SDK1: variants seen among roughly 807,000 people sequenced by gnomAD.
SDK1 encodes the protein protein sidekick-1.
A neutral mutation model predicts 245.5 loss-of-function variants in SDK1; 157 were observed. The ratio of observed to expected loss-of-function variants is 0.64; its 90% confidence interval spans 0.56 to 0.73. SDK1 has a LOEUF of 0.73. SDK1 is among the 30% of genes least tolerant of loss of function. The probability of loss-of-function intolerance (pLI) is 0.00; values close to 1 mark genes in which losing one functional copy is unlikely to be tolerated. For missense variants in SDK1, 3,583 were observed against 3,002.3 expected (o/e 1.19, Z -4.52); for synonymous variants, 1,647 against 1,278.5 (o/e 1.29, Z -6.15).
intron 14 of SDK1, among the ~76,000 whole-genome samples, chr7:3,987,930 C>T (rs548743385): frequency 2.6e-5 from 4 of 152,040 alleles, no homozygotes; most frequent in South Asian, 2.1e-4. Context: ...CACGCCTCTC[C>T]GCTCTCCCTG....
At chr7:3,566,529 A>G (rs955571369) in intron 1 of SDK1, among the ~76,000 whole-genome samples, 2 of 152,056 alleles carry the variant, frequency 1.3e-5, no homozygotes, top group South Asian at 2.1e-4. Context: ...CCGGCCGATA[A>G]ACTTCTTAAA....
chr7:3,788,568 G>A (rs746492488), intron 4 of SDK1, among the ~76,000 whole-genome samples: 4 of 152,118 alleles, frequency 2.6e-5, no homozygotes, highest in South Asian at 2.1e-4. Flanking sequence ...CTTTTGGTCA[G>A]GGGTGTCCAA....
intron 1 of SDK1, among the ~76,000 whole-genome samples, chr7:3,352,609 T>G (rs891679021): frequency 6.6e-6 from 1 of 152,182 alleles, no homozygotes; most frequent in Non-Finnish European, 1.5e-5. Context: ...AGTAGATATT[T>G]CTGTTTCCAT....
chr7:4,196,321 G>C (rs959440427), intron 35 of SDK1, among the ~76,000 whole-genome samples: 1 of 152,148 alleles, frequency 6.6e-6, no homozygotes, highest in African/African-American at 2.4e-5. Flanking sequence ...GAGCTCCTCC[G>C]GGCTGGGTCC....
chr7:3,571,417 C>G (rs748467445), intron 1 of SDK1, among the ~76,000 whole-genome samples: 21 of 152,004 alleles, frequency 1.4e-4, no homozygotes, highest in Non-Finnish European at 2.8e-4. Context: ...ATCCTCCAGC[C>G]TCAGCCTCCC....
chr7:3,930,106 CA>C (rs1246969217), intron 5 of SDK1, among the ~76,000 whole-genome samples: 9 of 152,150 alleles, frequency 5.9e-5, no homozygotes, highest in Non-Finnish European at 1.3e-4. Flanking sequence ...ATGTGTAACC[CA>C]GGCAGCTCGT....
intron 1 of SDK1, among the ~76,000 whole-genome samples, chr7:3,383,341 G>A (rs747491930): frequency 6.6e-6 from 1 of 152,122 alleles, no homozygotes; most frequent in Non-Finnish European, 1.5e-5. Context: ...AGCCCCAGAG[G>A]TTAAGATTGC....
At chr7:3,357,563 G>A (rs983182652) in intron 1 of SDK1, among the ~76,000 whole-genome samples, 1 of 151,074 alleles carries the variant, frequency 6.6e-6, no homozygotes, top group African/African-American at 2.4e-5. Context: ...GCCCAGGCTA[G>A]CCTTGAACAC....
chr7:4,037,611 C>T (rs1788318037), intron 17 of SDK1, among the ~76,000 whole-genome samples: 1 of 152,118 alleles, frequency 6.6e-6, no homozygotes, highest in African/African-American at 2.4e-5. Context: ...CAGTGCAAGA[C>T]CACATCTCAA....
rs73672153 is a variant in SDK1 at position 3,701,859 on chromosome 7, G to A, written c.713+59754G>A. Among the ~76,000 whole-genome samples the A allele has an allele frequency of 6.0e-3, 830 of 138,390 alleles. 8 individuals carry two copies. Among genetic ancestry groups the A allele is most frequent in the African/African-American group, 0.021 (797 of 37,300 alleles). 90.8% of individuals were successfully genotyped at this position (138,390 alleles called of 152,430 possible). A position where few individuals can be genotyped will look rare whatever the true frequency, so the allele number is the denominator to read the frequency against. On this transcript the variant is annotated intron_variant, in intron 4 of 44. Transcript: ENST00000404826. ...AGAGATTTTTGACAAAAGCATAAAAGCAATTCAATGGAGGAAGAATAGTCT... is the reference window on the plus strand; with the variant it reads ...AGAGATTTTTGACAAAAGCATAAAAACAATTCAATGGAGGAAGAATAGTCT...
chr7:3,421,480 T>C (rs183105077), intron 1 of SDK1, among the ~76,000 whole-genome samples: 19 of 152,332 alleles, frequency 1.2e-4, no homozygotes, highest in Admixed American at 3.9e-4. Flanking sequence ...TTTATAATTT[T>C]TGCTACTTGC....
intron 4 of SDK1, among the ~76,000 whole-genome samples, chr7:3,768,370 C>T (rs1780314077): frequency 6.6e-6 from 1 of 152,200 alleles, no homozygotes; most frequent in African/African-American, 2.4e-5. Flanking sequence ...GCCGATTGAG[C>T]ATGCTGATGA....
intron 1 of SDK1, among the ~76,000 whole-genome samples, chr7:3,580,496 T>G (rs1432675623): frequency 6.6e-6 from 1 of 152,140 alleles, no homozygotes; most frequent in African/African-American, 2.4e-5. Context: ...CCATCACACC[T>G]AGAACCATCT....
chr7:3,565,209 G>T (rs1200149892), intron 1 of SDK1, among the ~76,000 whole-genome samples: 3 of 151,954 alleles, frequency 2.0e-5, no homozygotes, highest in African/African-American at 7.3e-5. Flanking sequence ...ATCCGCTGTA[G>T]CAGGAAAATG....
At chr7:3,967,272 C>T in intron 9 of SDK1, 46 bp from the exon 10 acceptor site, 1 of 1,442,286 alleles carries the variant, frequency 6.9e-7, no homozygotes, top group African/African-American at 1.4e-5. Flanking sequence ...TGATGTGAGC[C>T]TCTCAGGAAC....
chr7:3,797,692 AG>A (rs1262543880), intron 4 of SDK1, among the ~76,000 whole-genome samples: 1 of 152,116 alleles, frequency 6.6e-6, no homozygotes, highest in Non-Finnish European at 1.5e-5. Flanking sequence ...CCTTTGGAAA[AG>A]CCCCCTGGAA....
chr7:3,551,851 T>C (rs139103563), intron 1 of SDK1, among the ~76,000 whole-genome samples: 1 of 152,094 alleles, frequency 6.6e-6, no homozygotes, highest in African/African-American at 2.4e-5. Flanking sequence ...TAAATTTTTT[T>C]TTGTTGTTGT....
At position 4,202,343 on chromosome 7, in the gene SDK1, C is replaced by A. The variant is rs56270699; in HGVS notation, c.5099-3536C>A. Among the ~76,000 whole-genome samples the A allele has an allele frequency of 1.3e-3, 196 of 152,326 alleles. 1 individual carries two copies. The highest frequency in any genetic ancestry group is 3.8e-3 in the African/African-American group (159 of 41,572). On this transcript the variant is annotated intron_variant, in intron 35 of 44. Coordinates refer to ENST00000404826, the MANE Select transcript of SDK1 (RefSeq NM_152744.4). ...TCCCACCAGTAGTGCTGGTCCCTCC[C>A]GCTGCCGCCCTCCGAGTGCCAGCAT...
chr7:4,204,324 T>G (rs527768058), intron 35 of SDK1, among the ~76,000 whole-genome samples: 1 of 152,190 alleles, frequency 6.6e-6, no homozygotes, highest in Non-Finnish European at 1.5e-5. Flanking sequence ...TGCTGTTTAA[T>G]GGGGCGGTAA....
Sources: allele counts gnomAD v4.1 joint callset (sites outside exome capture counted in the v4.1 genomes callset), GRCh38; gene constraint gnomAD v4.1.1; transcripts MANE v1.5; gene names NCBI Gene and HGNC (gene_info 2026-07-23, HGNC 2026-07-21).